Variants in EPRS1 observed in about 807,000 individuals in gnomAD.
EPRS1 encodes the protein glutamyl-prolyl-tRNA synthetase 1.
In EPRS1, 107 loss-of-function variants were observed where a neutral mutation model predicts 188.3. The ratio of observed to expected loss-of-function variants is 0.57; its 90% CI spans 0.49 to 0.67. The LOEUF is 0.67. Ranked by LOEUF, EPRS1 falls within the 30% of genes least tolerant of loss-of-function variation. EPRS1 has a pLI of 0.00. For synonymous variants in EPRS1, 596 were observed against 593.1 expected (o/e 1.00, Z -0.07); for missense variants, 1,577 against 1,802.2 (o/e 0.88, Z 2.26).
chr1:220,018,410 T>C, intron 12 of EPRS1, 39 bp downstream of exon 12: 1 of 1,477,576 alleles, frequency 6.8e-7, no homozygotes, highest in Non-Finnish European at 9.5e-7. Flanking sequence ...ATTTGGGACT[T>C]AAGCATGAGA....
rs1396789036 is a variant in EPRS1 at position 219,988,641 on chromosome 1, T to G, written c.2724A>C (p.Val908=). ...TPEAKVLFDK[V]ASQGEVVRKL... ...TCCGAACTACTTCCCCTTGAGAAGC[T>G]ACTTTGTCAAAAAGTACTTTCGCTT... Residue 908 remains valine (V), a synonymous_variant, in exon 19 of 32, where the codon GTA becomes GTC. Coordinates refer to ENST00000366923, the MANE Select transcript of EPRS1 (RefSeq NM_004446.3). 6.2e-7 allele frequency: 1 copy of G among 1,614,002 alleles called. No homozygotes were observed. The highest frequency in any genetic ancestry group is 2.2e-5 in the East Asian group (1 of 44,866).
chr1:220,029,466 T>C (rs1409728568), intron 6 of EPRS1, among the ~76,000 whole-genome samples: 2 of 152,228 alleles, frequency 1.3e-5, no homozygotes, highest in Non-Finnish European at 2.9e-5. Flanking sequence ...TGAAGAAGTA[T>C]TAAATACATC....
chr1:219,971,690 G>A (rs1660665832), intron 30 of EPRS1, among the ~76,000 whole-genome samples: 2 of 147,432 alleles, frequency 1.4e-5, no homozygotes. Flanking sequence ...TATCAAACAT[G>A]GGGAAAAAAA....
chr1:220,015,412 G>T (rs148299005), intron 12 of EPRS1, among the ~76,000 whole-genome samples: 5 of 152,044 alleles, frequency 3.3e-5, no homozygotes, highest in African/African-American at 4.8e-5. Context: ...GCAGTGAGCC[G>T]AGATCGTGCC....
At position 219,983,416 on chromosome 1, in the gene EPRS1, A is replaced by G; in HGVS notation, c.3091-18T>C. ...GTGATGACCTTTTTAAAAGAAAAAT[A>G]GTCTTTAAAGCTTACATTGAACCAA... On this transcript the variant is annotated intron_variant, in intron 21 of 31. Coordinates refer to ENST00000366923, the MANE Select transcript of EPRS1 (RefSeq NM_004446.3). 2 of 1,583,280 alleles carry G rather than the reference A, an allele frequency of 1.3e-6. No homozygotes were observed. The highest frequency in any genetic ancestry group is 1.7e-6 in the Non-Finnish European group (2 of 1,157,632).
chr1:219,989,242 A>C (rs1446570397), intron 18 of EPRS1, among the ~76,000 whole-genome samples: 2 of 152,128 alleles, frequency 1.3e-5, no homozygotes, highest in East Asian at 3.9e-4. Flanking sequence ...TGGGGAAAAA[A>C]AGGAAGTTTG....
intron 18 of EPRS1, among the ~76,000 whole-genome samples, chr1:219,993,064 G>A (rs766168848): frequency 3.9e-5 from 6 of 151,926 alleles, no homozygotes; most frequent in Non-Finnish European, 5.9e-5. Flanking sequence ...GTGAAACCCC[G>A]TCTCTATGAG....
At chr1:220,010,132 T>C (rs1310092462) in intron 13 of EPRS1, among the ~76,000 whole-genome samples, 24 of 151,106 alleles carry the variant, frequency 1.6e-4, no homozygotes. Context: ...AGAATTTAGA[T>C]GGACCCTTCA....
intron 5 of EPRS1, among the ~76,000 whole-genome samples, chr1:220,030,988 A>C (rs545950177): frequency 1.4e-4 from 22 of 152,152 alleles, no homozygotes; most frequent in African/African-American, 5.3e-4. Flanking sequence ...GCTACTCAGG[A>C]AGCTGAGGCA....
At chr1:220,010,137 C>A (rs1571681233) in intron 13 of EPRS1, among the ~76,000 whole-genome samples, 1 of 150,198 alleles carries the variant, frequency 6.7e-6, no homozygotes, top group South Asian at 2.1e-4. Context: ...TTAGATGGAC[C>A]CTTCACTTAT....
chr1:220,036,085 AG>A (rs1662170483), intron 2 of EPRS1, among the ~76,000 whole-genome samples: 1 of 152,184 alleles, frequency 6.6e-6, no homozygotes, highest in Admixed American at 6.5e-5. Flanking sequence ...TTATAATCCC[AG>A]CTACTCAGGA....
intron 12 of EPRS1, 114 bp from the exon 13 acceptor site, chr1:220,011,170 A>AT (rs1661598786): frequency 2.5e-5 from 15 of 592,496 alleles, no homozygotes; most frequent in East Asian, 5.7e-5. Flanking sequence ...GCATTTACTA[A>AT]TTTTTTTTCA....
Position 220,006,088 on chromosome 1 carries a change from G to A in EPRS1, c.1950+18C>T. 2 of 1,429,808 alleles carry A rather than the reference G, an allele frequency of 1.4e-6. No homozygotes were observed. Among genetic ancestry groups the A allele is most frequent in the Non-Finnish European group, 9.5e-7 (1 of 1,056,842 alleles). The allele number at this position is 1,429,808 out of a possible 1,614,324, so 88.6% of individuals were successfully genotyped here. ...AGGAAAATTTAAAAGGTGAAATATGGTTTCTTTGGAAGGTTACCTTACTGT... is the reference window on the plus strand; with the variant it reads ...AGGAAAATTTAAAAGGTGAAATATGATTTCTTTGGAAGGTTACCTTACTGT... On this transcript the variant is annotated intron_variant, in intron 15 of 31. Coordinates refer to ENST00000366923, the MANE Select transcript of EPRS1 (RefSeq NM_004446.3).
intron 6 of EPRS1, among the ~76,000 whole-genome samples, chr1:220,027,403 G>A (rs1279116510): frequency 4.8e-5 from 7 of 147,096 alleles, no homozygotes; most frequent in South Asian, 2.2e-4. Flanking sequence ...ACTCCAGCCC[G>A]GGCGACAGAG....
chr1:219,987,127 T>G lies in EPRS1; in HGVS notation c.3038+15A>C. ...TCACTGCTTTGCTTCAAATGAAGTT[T>G]CTGCGATTCATTACCTGGTCTGTTT... is the stretch of plus-strand genomic sequence containing the variant. On this transcript the variant is annotated intron_variant, in intron 20 of 31. Transcript: ENST00000366923. 1 of 1,589,058 alleles carries G rather than the reference T, an allele frequency of 6.3e-7. No individual in the cohort carries two copies. The highest frequency in any genetic ancestry group is 8.5e-7 in the Non-Finnish European group (1 of 1,172,556).
chr1:219,973,582 G>A (rs926413394), intron 28 of EPRS1, among the ~76,000 whole-genome samples, 184 bp from the exon 29 acceptor site: 13 of 148,968 alleles, frequency 8.7e-5, no homozygotes, highest in African/African-American at 3.2e-4. Flanking sequence ...ACCTATTCCA[G>A]TAAGAAGGCA....
rs759167401 is a variant in EPRS1, at chr1:219,968,797, G to T, written c.*9C>A. The T allele has an allele frequency of 2.7e-5, 43 of 1,613,608 alleles. No homozygotes were observed. Among genetic ancestry groups the T allele is most frequent in the Non-Finnish European group, 3.5e-5 (41 of 1,179,726 alleles). ...GAGAGGAGTTGAAGAGGGGGCTTTC[G>T]TTCATCCCTCAGTAGCTGCGACCAA... On this transcript the variant is annotated 3_prime_UTR_variant, in exon 32 of 32. Transcript: ENST00000366923.
intron 10 of EPRS1, 150 bp from the exon 11 acceptor site, chr1:220,019,229 G>A: frequency 1.7e-6 from 1 of 585,144 alleles, no homozygotes; most frequent in Admixed American, 3.1e-5. Context: ...TGCAATACTA[G>A]TGAGCCCAAA....
At chr1:220,044,426 C>CA (rs536305998) in intron 1 of EPRS1, among the ~76,000 whole-genome samples, 89 of 151,998 alleles carry the variant, frequency 5.9e-4, no homozygotes, top group African/African-American at 2.1e-3. Flanking sequence ...TTCTAAGTAA[C>CA]AAAAAATGTA....
Sources: allele counts gnomAD v4.1 joint callset (sites outside exome capture counted in the v4.1 genomes callset), GRCh38; gene constraint gnomAD v4.1.1; transcripts MANE v1.5; gene names NCBI Gene and HGNC (gene_info 2026-07-23, HGNC 2026-07-21).